Variants in MPRIP observed in about 807,000 individuals in gnomAD.
MPRIP encodes myosin phosphatase Rho-interacting protein.
In MPRIP, 59 loss-of-function variants were observed where a neutral mutation model predicts 234.9. The ratio of observed to expected loss-of-function variants is 0.25; its 90% CI spans 0.20 to 0.31. MPRIP has a LOEUF of 0.31. MPRIP is among the 10% of genes least tolerant of loss of function. The probability of loss-of-function intolerance (pLI) is 1.00; values close to 1 mark genes in which losing one functional copy is unlikely to be tolerated. For synonymous variants in MPRIP, 1,144 were observed against 1,263.9 expected (o/e 0.91, Z 2.01); for missense variants, 2,436 against 3,071.0 (o/e 0.79, Z 4.89).
rs114355600 is a variant in MPRIP at position 17,064,527 on chromosome 17, A to T, written c.124-11183A>T. Reference sequence around the variant, plus strand: ...GGATACTGACTACAATGCAGAAAGCACCCAGTGTCTCCATCGCCTTCTCCC... The same window carrying T: ...GGATACTGACTACAATGCAGAAAGCTCCCAGTGTCTCCATCGCCTTCTCCC... On this transcript the variant is annotated intron_variant, in intron 1 of 23. Coordinates refer to ENST00000651222, the MANE Select transcript of MPRIP (RefSeq NM_001364716.4). Among the ~76,000 whole-genome samples the T allele has an allele frequency of 6.2e-3, 937 of 152,226 alleles. 9 individuals are homozygous for T. Among genetic ancestry groups the T allele is most frequent in the African/African-American group, 0.022 (895 of 41,518 alleles).
intron 11 of MPRIP, 25 bp from the exon 12 acceptor site, chr17:17,150,119 A>C (rs760349550): frequency 6.3e-7 from 1 of 1,591,134 alleles, no homozygotes; most frequent in East Asian, 2.2e-5. Flanking sequence ...TAAAAATCTC[A>C]AGACATTCTC....
chr17:17,069,108 T>C (rs1178936218), intron 1 of MPRIP, among the ~76,000 whole-genome samples: 1 of 152,216 alleles, frequency 6.6e-6, no homozygotes, highest in Non-Finnish European at 1.5e-5. Flanking sequence ...TTTGCAGCTC[T>C]GATGTTTAAA....
intron 18 of MPRIP, 112 bp downstream of exon 18, chr17:17,172,927 G>T (rs1567775782): frequency 8.6e-6 from 8 of 924,922 alleles, no homozygotes; most frequent in Admixed American, 2.3e-5. Context: ...AGTGGGGCCT[G>T]GGGCCCCTGG....
intron 2 of MPRIP, chr17:17,077,769 A>T: frequency 2.2e-6 from 1 of 452,708 alleles, no homozygotes. Flanking sequence ...AAAAAAAAAA[A>T]AAGACTTCTT....
intron 1 of MPRIP, among the ~76,000 whole-genome samples, chr17:17,071,297 A>G (rs1027970802): frequency 6.6e-6 from 1 of 151,968 alleles, no homozygotes; most frequent in African/African-American, 2.4e-5. Context: ...TTCTTCAGCT[A>G]TGGAAAGTAG....
intron 3 of MPRIP, among the ~76,000 whole-genome samples, chr17:17,091,340 A>C (rs1283565401): frequency 6.6e-6 from 1 of 152,068 alleles, no homozygotes; most frequent in Non-Finnish European, 1.5e-5. Context: ...ACAGATGAGG[A>C]AACTGAGACC....
At chr17:17,142,462 G>A (rs2144505926) in intron 7 of MPRIP, 165 bp from the exon 8 acceptor site, 2 of 715,744 alleles carry the variant, frequency 2.8e-6, no homozygotes, top group East Asian at 2.8e-5. Flanking sequence ...GTGGAGGGGT[G>A]CAGGCAGAGC....
chr17:17,133,545 A>C (rs981202551), intron 5 of MPRIP, among the ~76,000 whole-genome samples: 21 of 152,324 alleles, frequency 1.4e-4, no homozygotes, highest in Admixed American at 1.2e-3. Flanking sequence ...CCAAGACCCT[A>C]TATTTCTTTC....
At chr17:17,179,281 T>C (rs1476904372) in intron 22 of MPRIP, among the ~76,000 whole-genome samples, 1 of 151,930 alleles carries the variant, frequency 6.6e-6, no homozygotes, top group Non-Finnish European at 1.5e-5. Flanking sequence ...ACCCCGTCTC[T>C]ACTAAAAATA....
intron 4 of MPRIP, among the ~76,000 whole-genome samples, chr17:17,131,128 ACCCTC>A (rs1250181034): frequency 6.6e-6 from 1 of 151,906 alleles, no homozygotes; most frequent in Non-Finnish European, 1.5e-5. Context: ...GGTGCCCAGC[ACCCTC>A]CCTCTGCAGG....
chr17:17,143,571 G>C lies in MPRIP; in HGVS notation c.1405G>C (p.Ala469Pro). The change falls in exon 9 of 24, where the codon GCC (alanine) becomes CCC (proline). Residue 469 changes from alanine (A) to proline (P), a missense_variant. Ala to Pro is a conservative substitution (Grantham distance 27, BLOSUM62 -1). Coordinates refer to ENST00000651222, the MANE Select transcript of MPRIP (RefSeq NM_001364716.4). Reference protein sequence around the residue: ...FPRKRDFTNEAPPAPLPDASA... With the variant: ...FPRKRDFTNEPPPAPLPDASA... ...TCTGCCACAGGACTTCACCAATGAA[G>C]CCCCCCCAGCTCCTCTCCCAGACGC... 1.9e-6 allele frequency: 3 copies of C among 1,596,308 alleles called. No homozygotes were observed. Among genetic ancestry groups the C allele is most frequent in the Non-Finnish European group, 2.6e-6 (3 of 1,171,294 alleles).
At chr17:17,120,230 CTT>C (rs1333908240) in intron 3 of MPRIP, among the ~76,000 whole-genome samples, 3 of 152,210 alleles carry the variant, frequency 2.0e-5, no homozygotes, top group South Asian at 2.1e-4. Flanking sequence ...TTACTTTCCT[CTT>C]GTTTCCCTCT....
At position 17,137,283 on chromosome 17, in the gene MPRIP, G is replaced by A. The variant is rs146590799; in HGVS notation, c.737-633G>A. ...AATCCCAGCACTTTGGGAGGCTGAG[G>A]CAGGTGGAACACCTGAGGTCAGGAG... On this transcript the variant is annotated intron_variant, in intron 6 of 23. Transcript: ENST00000651222. Among the ~76,000 whole-genome samples the A allele has an allele frequency of 3.0e-4, 45 of 152,318 alleles. No individual in the cohort carries two copies. The East Asian group carries it at 8.7e-3, about 29-fold the overall frequency.
intron 3 of MPRIP, among the ~76,000 whole-genome samples, chr17:17,108,927 G>C (rs1387467868): frequency 1.3e-5 from 2 of 149,374 alleles, no homozygotes; most frequent in Non-Finnish European, 2.9e-5. Context: ...GAAGCCACCA[G>C]TGGCAGCACT....
At chr17:17,169,828 G>A (rs1369851741) in intron 16 of MPRIP, among the ~76,000 whole-genome samples, 1 of 152,248 alleles carries the variant, frequency 6.6e-6, no homozygotes, top group African/African-American at 2.4e-5. Flanking sequence ...CACGATTGCA[G>A]TCATCGGGGA....
In MPRIP at chr17:17,166,438, C is replaced by A; in HGVS notation, c.4847C>A (p.Ala1616Asp). The A allele has an allele frequency of 7.7e-7, 1 of 1,304,312 alleles. No homozygotes were observed. The highest frequency in any genetic ancestry group is 1.0e-6 in the Non-Finnish European group (1 of 988,952). 80.8% of individuals were successfully genotyped at this position (1,304,312 alleles called of 1,614,324 possible). A position where few individuals can be genotyped will look rare whatever the true frequency, so the allele number is the denominator to read the frequency against. ...GCTGGGGCCCCCGTAGACACCTGGG[C>A]CAGGAAGGTCCTAGTGGATGGTGAG... ...ESAGAPVDTW[A>D]RKVLVDGEFW... Residue 1616 changes from alanine to aspartate, a missense_variant, in exon 16 of 24, where the codon GCC becomes GAC. By Grantham distance (126) the Ala-to-Asp change is moderately radical. Coordinates refer to ENST00000651222, the MANE Select transcript of MPRIP (RefSeq NM_001364716.4). This position sits in a 1 kb window ranked among gnomAD's most constrained non-coding sequence, Gnocchi z 4.4.
intron 4 of MPRIP, among the ~76,000 whole-genome samples, chr17:17,127,297 T>C (rs953146862): frequency 4.6e-5 from 7 of 152,148 alleles, no homozygotes; most frequent in African/African-American, 9.7e-5. Context: ...TCAGTGGTGG[T>C]GGGGGTGGGA....
chr17:17,149,591 C>G (rs930058082), intron 11 of MPRIP, among the ~76,000 whole-genome samples: 2 of 151,546 alleles, frequency 1.3e-5, no homozygotes, highest in African/African-American at 2.4e-5. Context: ...TGCAAAAATT[C>G]AAAGCAATGT....
intron 3 of MPRIP, among the ~76,000 whole-genome samples, chr17:17,107,743 G>A (rs2090090968): frequency 6.6e-6 from 1 of 152,220 alleles, no homozygotes; most frequent in Admixed American, 6.5e-5. Flanking sequence ...TGTGCATTGA[G>A]CTCGTTCTTG....
Sources: gnomAD v4.1 joint callset for allele counts (sites outside exome capture counted in the v4.1 genomes callset) on GRCh38, gnomAD v4.1.1 for gene constraint, Gnocchi (gnomAD v3.1) non-coding constraint, MANE v1.5 for transcripts, NCBI Gene and HGNC (gene_info 2026-07-23, HGNC 2026-07-21) for gene names.